The following KLHL2 variants were observed in gnomAD, a reference collection of about 807,000 sequenced individuals.
KLHL2 encodes the protein kelch-like protein 2.
KLHL2 carries 15 observed loss-of-function variants against 75.8 expected under a neutral mutation model. The observed-to-expected ratio is 0.20, with a 90% CI of 0.13 to 0.30. KLHL2 has a LOEUF of 0.30. Among genes scored for constraint, KLHL2 ranks in the 10% least tolerant of loss-of-function variants. The pLI is 1.00. For missense variants in KLHL2, 381 were observed against 741.0 expected (o/e 0.51, Z 5.64); for synonymous variants, 214 against 251.9 (o/e 0.85, Z 1.42).
intron 10 of KLHL2, 21 bp from the exon 11 acceptor site, chr4:165,311,443 G>T: frequency 6.6e-7 from 1 of 1,521,156 alleles, no homozygotes; most frequent in South Asian, 1.2e-5. Flanking sequence ...AGGAAATGAA[G>T]ACTATTGTGC....
At chr4:165,235,291 C>A (rs1739244466) in intron 3 of KLHL2, among the ~76,000 whole-genome samples, 1 of 152,252 alleles carries the variant, frequency 6.6e-6, no homozygotes, top group South Asian at 2.1e-4. Flanking sequence ...ACCTCCACCT[C>A]CCGGGTTCAT....
intron 13 of KLHL2, 119 bp from the exon 14 acceptor site, chr4:165,317,706 TC>T (rs1187066398): frequency 1.3e-5 from 10 of 745,478 alleles, no homozygotes; most frequent in Non-Finnish European, 2.2e-5. Flanking sequence ...CACTATTTTC[TC>T]TTCTTGCCTC....
chr4:165,224,528 G>A (rs189959472), intron 2 of KLHL2, among the ~76,000 whole-genome samples: 13 of 152,242 alleles, frequency 8.5e-5, no homozygotes, highest in Admixed American at 1.3e-4. Context: ...CCCTCTTAAA[G>A]GAATGGTTAT....
At chr4:165,261,857 T>A (rs1741701209) in intron 4 of KLHL2, among the ~76,000 whole-genome samples, 1 of 152,186 alleles carries the variant, frequency 6.6e-6, no homozygotes, top group African/African-American at 2.4e-5. Flanking sequence ...CACTATTATT[T>A]TTCTGTCTTT....
chr4:165,280,567 AG>A (rs1181266808), intron 5 of KLHL2, among the ~76,000 whole-genome samples: 1 of 152,236 alleles, frequency 6.6e-6, no homozygotes, highest in Non-Finnish European at 1.5e-5. Flanking sequence ...TGATTATTCA[AG>A]GGTCTATTGC....
intron 4 of KLHL2, among the ~76,000 whole-genome samples, chr4:165,245,812 A>G (rs1740213879): frequency 6.6e-6 from 1 of 152,176 alleles, no homozygotes; most frequent in Admixed American, 6.5e-5. Context: ...TGCTTTTTAT[A>G]CATGGCTTGC....
At chr4:165,208,247 T>C (rs1736968674) in intron 1 of KLHL2, among the ~76,000 whole-genome samples, 1 of 152,036 alleles carries the variant, frequency 6.6e-6, no homozygotes, top group African/African-American at 2.4e-5. Flanking sequence ...GCCTACCCCT[T>C]TATAAGAGAT....
chr4:165,210,526 T>C (rs1737134577), intron 1 of KLHL2, among the ~76,000 whole-genome samples: 1 of 152,250 alleles, frequency 6.6e-6, no homozygotes, highest in African/African-American at 2.4e-5. Flanking sequence ...TTTGCATACT[T>C]GAGTATATGT....
intron 9 of KLHL2, 47 bp from the exon 10 acceptor site, chr4:165,310,506 G>T: frequency 2.1e-6 from 3 of 1,458,178 alleles, no homozygotes; most frequent in Non-Finnish European, 2.9e-6. Flanking sequence ...GATATTGGTG[G>T]TAGTTGAGTT....
intron 5 of KLHL2, among the ~76,000 whole-genome samples, chr4:165,264,146 A>C (rs1285610214): frequency 6.6e-6 from 1 of 152,166 alleles, no homozygotes; most frequent in Non-Finnish European, 1.5e-5. Context: ...GTTTATAAAC[A>C]AAAATATATA....
At chr4:165,210,489 T>G (rs1336517118) in intron 1 of KLHL2, among the ~76,000 whole-genome samples, 1 of 152,230 alleles carries the variant, frequency 6.6e-6, no homozygotes, top group Non-Finnish European at 1.5e-5. Flanking sequence ...AAATTGTCGT[T>G]GGACTATATA....
chr4:165,304,490 T>G (rs1210619573), intron 8 of KLHL2, among the ~76,000 whole-genome samples: 3 of 152,238 alleles, frequency 2.0e-5, no homozygotes, highest in Non-Finnish European at 4.4e-5. Flanking sequence ...CCAATCATTA[T>G]CTCTTCTTTT....
intron 4 of KLHL2, among the ~76,000 whole-genome samples, chr4:165,251,139 A>T (rs1740668886): frequency 6.6e-6 from 1 of 151,912 alleles, no homozygotes; most frequent in Non-Finnish European, 1.5e-5. Context: ...TTAAAAAAAA[A>T]AAATACATAA....
rs187193701 is a variant in KLHL2 at position 165,294,977 on chromosome 4, T to A, written c.654+509T>A. ...TCCTTTAGATTGATTTCCTGTGACA[T>A]AATACCTCACCCCTGCCAGTCCGTT... On this transcript the variant is annotated intron_variant, in intron 6 of 14. Transcript: ENST00000226725. 1.2e-3 allele frequency among the ~76,000 whole-genome samples: 178 copies of A among 152,250 alleles called. 1 individual carries two copies. Among genetic ancestry groups the A allele is most frequent in the Non-Finnish European group, 3.1e-4 (21 of 68,008 alleles).
At chr4:165,284,030 C>T (rs1005055825) in intron 5 of KLHL2, among the ~76,000 whole-genome samples, 2 of 152,160 alleles carry the variant, frequency 1.3e-5, no homozygotes, top group African/African-American at 4.8e-5. Flanking sequence ...GCACCGTGTC[C>T]TTAGGCTGCA....
chr4:165,304,222 A>G (rs963481485), intron 8 of KLHL2, among the ~76,000 whole-genome samples: 6 of 152,170 alleles, frequency 3.9e-5, no homozygotes, highest in African/African-American at 1.2e-4. Context: ...TAGTTGGTTT[A>G]TGTTCAGTCT....
chr4:165,230,353 C>T (rs1160757608), intron 3 of KLHL2, among the ~76,000 whole-genome samples: 1 of 152,178 alleles, frequency 6.6e-6, no homozygotes, highest in African/African-American at 2.4e-5. Flanking sequence ...TCAGTTTCCC[C>T]ATCTGGAAAA....
intron 4 of KLHL2, among the ~76,000 whole-genome samples, chr4:165,251,393 C>G (rs1349022212): frequency 1.3e-5 from 2 of 152,020 alleles, no homozygotes; most frequent in African/African-American, 4.8e-5. Context: ...TGGTAATCCT[C>G]ATAGTTTTAA....
chr4:165,305,845 G>A (rs1745688876), intron 9 of KLHL2, 120 bp downstream of exon 9: 2 of 707,372 alleles, frequency 2.8e-6, no homozygotes, highest in Non-Finnish European at 4.9e-6. Flanking sequence ...AAATAGCTAT[G>A]TAGTTAAACA....
Sources: gnomAD v4.1 joint callset for allele counts (sites outside exome capture counted in the v4.1 genomes callset) on GRCh38, gnomAD v4.1.1 for gene constraint, MANE v1.5 for transcripts, NCBI Gene and HGNC (gene_info 2026-07-23, HGNC 2026-07-21) for gene names.